The following SHANK2 variants were observed in gnomAD, a reference collection of about 807,000 sequenced individuals.
SHANK2 encodes SH3 and multiple ankyrin repeat domains 2, also known as SH3 and multiple ankyrin repeat domains protein 2.
A neutral mutation model predicts 133.7 loss-of-function variants in SHANK2; 43 were observed. The ratio of observed to expected loss-of-function variants is 0.32; its 90% confidence interval spans 0.25 to 0.41. The LOEUF is 0.41. SHANK2 is among the 10% of genes least tolerant of loss of function. SHANK2 has a pLI of 1.00. For missense variants in SHANK2, 1,994 were observed against 2,235.8 expected, an observed-to-expected ratio of 0.89 and a Z score of 2.18; for synonymous variants, 1,017 against 952.8, an observed-to-expected ratio of 1.07 and a Z score of -1.24.
chr11:70,543,301 T>C (rs1205309228), intron 17 of SHANK2, among the ~76,000 whole-genome samples: 1 of 152,166 alleles, frequency 6.6e-6, no homozygotes, highest in Non-Finnish European at 1.5e-5. Context: ...GCTAGTGAGA[T>C]GACTGGTGGC....
intron 22 of SHANK2, 63 bp downstream of exon 22, chr11:70,492,272 G>A: frequency 6.3e-7 from 1 of 1,598,132 alleles, no homozygotes; most frequent in Non-Finnish European, 8.5e-7. Context: ...TACTGAGACA[G>A]CCCACCCACT....
chr11:71,189,121 G>A (rs868960584), intron 2 of SHANK2, among the ~76,000 whole-genome samples: 1 of 152,282 alleles, frequency 6.6e-6, no homozygotes, highest in East Asian at 1.9e-4. Context: ...TGAAATCCCC[G>A]ACCACTCATT....
intron 17 of SHANK2, among the ~76,000 whole-genome samples, chr11:70,635,788 G>A (rs2061069157): frequency 6.6e-6 from 1 of 151,704 alleles, no homozygotes; most frequent in Admixed American, 6.6e-5. Flanking sequence ...AGTGAATGGA[G>A]CAAATGGCGG....
At chr11:70,860,215 C>A (rs1949236382) in intron 11 of SHANK2, among the ~76,000 whole-genome samples, 1 of 152,172 alleles carries the variant, frequency 6.6e-6, no homozygotes, top group South Asian at 2.1e-4. Flanking sequence ...CTGGTCAAAC[C>A]TTCTCTACCC....
intron 2 of SHANK2, among the ~76,000 whole-genome samples, chr11:71,180,296 A>C (rs1215083234): frequency 1.3e-5 from 2 of 152,220 alleles, no homozygotes; most frequent in Non-Finnish European, 2.9e-5. Flanking sequence ...TTTTCTTTGA[A>C]TGGAGTCTAC....
At chr11:71,138,099 CA>C (rs1952483225) in intron 3 of SHANK2, among the ~76,000 whole-genome samples, 1 of 63,214 alleles carries the variant, frequency 1.6e-5, no homozygotes, top group Non-Finnish European at 4.3e-5. Context: ...CACCCGAACA[CA>C]GCTTCTAACA....
chr11:70,665,035 C>T (rs1944653310), intron 15 of SHANK2, among the ~76,000 whole-genome samples: 1 of 152,240 alleles, frequency 6.6e-6, no homozygotes. Context: ...TCCCTGTCTG[C>T]ACACGCCACC....
chr11:70,688,361 T>C (rs1305553040), intron 15 of SHANK2, among the ~76,000 whole-genome samples: 2 of 152,146 alleles, frequency 1.3e-5, no homozygotes, highest in African/African-American at 4.8e-5. Context: ...CTTGACGTCA[T>C]AAAACTGCAA....
intron 10 of SHANK2, chr11:70,911,297 A>C: frequency 2.3e-6 from 1 of 429,240 alleles, no homozygotes; most frequent in South Asian, 1.7e-5. Flanking sequence ...TGGAGGTTGC[A>C]GTGAGCCAAG....
chr11:71,118,984 G>T lies in SHANK2; in HGVS notation c.256C>A (p.Arg86=), dbSNP rs377135249. 6.6e-5 allele frequency: 103 copies of T among 1,551,584 alleles called. No individual in the cohort carries two copies. The African/African-American group carries it at 1.4e-3, about 20-fold the overall frequency. ...PDATVWVAKQ[R]ILCTLTQSLK... is the part of the protein sequence containing the mutation. The stretch of plus-strand genomic sequence containing the variant: ...CTCTGGGTTAATGTACACAGGATCC[G>T]CTGCTTTGCAACCCACACTGTGGCA... The change falls in exon 4 of 26, where the codon CGG becomes AGG. Residue 86 remains arginine, a synonymous_variant. Transcript: ENST00000601538.
intron 17 of SHANK2, among the ~76,000 whole-genome samples, chr11:70,560,709 G>T (rs75873716): frequency 6.6e-6 from 1 of 151,416 alleles, no homozygotes; most frequent in South Asian, 2.1e-4. Flanking sequence ...TCGGCTCACT[G>T]TGACCTCCAA....
At chr11:70,566,059 G>A (rs1554981851) in intron 17 of SHANK2, among the ~76,000 whole-genome samples, 1 of 152,170 alleles carries the variant, frequency 6.6e-6, no homozygotes, top group Non-Finnish European at 1.5e-5. Context: ...CTACATGGCA[G>A]CAGGCAAGAG....
chr11:71,204,208 T>C (rs1168846706), intron 2 of SHANK2, among the ~76,000 whole-genome samples: 2 of 150,978 alleles, frequency 1.3e-5, no homozygotes, highest in African/African-American at 4.9e-5. Context: ...CATAAGTTAC[T>C]TTTATAAAAG....
chr11:71,201,631 C>T (rs189148310), intron 2 of SHANK2, among the ~76,000 whole-genome samples: 314 of 152,296 alleles, frequency 2.1e-3, no homozygotes, highest in African/African-American at 7.2e-3. Flanking sequence ...GTGACTATTC[C>T]CATTTTACAG....
intron 2 of SHANK2, among the ~76,000 whole-genome samples, chr11:71,171,882 T>C (rs888832089): frequency 6.6e-6 from 1 of 152,108 alleles, no homozygotes; most frequent in Admixed American, 6.5e-5. Flanking sequence ...TCAAAGACAG[T>C]TGCGATGGGG....
At chr11:71,168,697 C>T (rs577984058) in intron 2 of SHANK2, among the ~76,000 whole-genome samples, 14 of 152,236 alleles carry the variant, frequency 9.2e-5, no homozygotes, top group East Asian at 3.9e-4. Context: ...TGGCGGCGCG[C>T]GCCTGCAATC....
Position 71,055,838 on chromosome 11 carries a change from A to G in SHANK2, c.1107+643T>C, listed in dbSNP as rs1045535970. 8.2e-3 allele frequency among the ~76,000 whole-genome samples: 1,211 copies of G among 148,202 alleles called. 19 individuals carry two copies. Among genetic ancestry groups the G allele is most frequent in the African/African-American group, 0.028 (1,129 of 39,862 alleles). ...GTGGGTACAGGGTTTCCTTTTGGGA[A>G]AGGAAAGTTCCCAAAGCTAAGTTCT... On this transcript the variant is annotated intron_variant, in intron 10 of 25. Coordinates refer to ENST00000601538, the MANE Select transcript of SHANK2 (RefSeq NM_012309.5).
intron 4 of SHANK2, among the ~76,000 whole-genome samples, chr11:71,115,305 C>T (rs1951957798): frequency 6.6e-6 from 1 of 151,986 alleles, no homozygotes; most frequent in Admixed American, 6.6e-5. Flanking sequence ...CCCATCTCTA[C>T]TAAAAATGCA....
At chr11:70,747,071 T>G (rs1946656008) in intron 14 of SHANK2, among the ~76,000 whole-genome samples, 1 of 145,822 alleles carries the variant, frequency 6.9e-6, no homozygotes, top group African/African-American at 2.7e-5. Context: ...CTCAGTCTCT[T>G]CCCCTGGCTC....
Sources: allele counts gnomAD v4.1 joint callset (sites outside exome capture counted in the v4.1 genomes callset), GRCh38; gene constraint gnomAD v4.1.1; transcripts MANE v1.5; gene names NCBI Gene and HGNC (gene_info 2026-07-23, HGNC 2026-07-21).